MAP3K13: variants seen among roughly 807,000 people sequenced by gnomAD.
MAP3K13 encodes mitogen-activated protein kinase kinase kinase 13.
In MAP3K13, 52 loss-of-function variants were observed where a neutral mutation model predicts 104.0. The ratio of observed to expected loss-of-function variants is 0.50; its 90% confidence interval spans 0.40 to 0.63. The LOEUF (loss-of-function observed/expected upper bound fraction) is 0.63. Among genes scored for constraint, MAP3K13 ranks in the 20% least tolerant of loss-of-function variants. The pLI, the probability that MAP3K13 is intolerant of heterozygous loss-of-function variation, is 0.00. For synonymous variants in MAP3K13, 394 were observed against 442.2 expected (o/e 0.89, Z 1.37); for missense variants, 914 against 1,218.5 (o/e 0.75, Z 3.72).
Position 185,473,338 on chromosome 3 carries a change from C to T in MAP3K13, c.2007C>T (p.Asn669=), listed in dbSNP as rs752561167. Residue 669 remains asparagine, a synonymous_variant, in exon 11 of 14, where the codon AAC becomes AAT. Coordinates refer to ENST00000265026, the MANE Select transcript of MAP3K13 (RefSeq NM_004721.5). The surrounding 1 kb of genome is among the most constrained non-coding windows in gnomAD (Gnocchi z 4.9). ...AGGACATAGCAACCTGCGCCAACAA[C>T]CTGAGGTATTTCGGCCCAGCAGCAG... is the stretch of plus-strand genomic sequence containing the variant. ...HGQDIATCAN[N]LRYFGPAAAL... is the part of the protein sequence containing the mutation. 3 of 1,614,240 alleles carry T rather than the reference C, an allele frequency of 1.9e-6. No homozygotes were observed. Among genetic ancestry groups the T allele is most frequent in the Admixed American group, 1.7e-5 (1 of 60,032 alleles).
intron 2 of MAP3K13, among the ~76,000 whole-genome samples, chr3:185,433,854 CT>C (rs1342671628): frequency 1.3e-5 from 2 of 152,020 alleles, no homozygotes; most frequent in Non-Finnish European, 2.9e-5. Context: ...TGTTTATCAT[CT>C]TATAAAAATA....
rs144267453 is a variant in MAP3K13 at position 185,288,134 on chromosome 3, T to C, written c.-86+2491T>C. 3.5e-3 allele frequency among the ~76,000 whole-genome samples: 530 copies of C among 152,250 alleles called. 3 individuals are homozygous for C. The highest frequency in any genetic ancestry group is 0.012 in the African/African-American group (485 of 41,558). The stretch of plus-strand genomic sequence containing the variant: ...GAAATCAGTGAGTGGGATGCCTAGA[T>C]TAAGACTCCTTATTCTTGCTAAGTG... On this transcript the variant is annotated intron_variant, in intron 2 of 14. Transcript: ENST00000424227.
rs949242570 is a variant in MAP3K13 at position 185,449,833 on chromosome 3, T to C, written c.1011-67T>C. Reference sequence around the variant, plus strand: ...TATGTACTAATTTGATTTCAATTAATAGAGAACTAAAATACAAATCAGTCT... The same window carrying C: ...TATGTACTAATTTGATTTCAATTAACAGAGAACTAAAATACAAATCAGTCT... On this transcript the variant is annotated intron_variant, in intron 5 of 13. Coordinates refer to ENST00000265026, the MANE Select transcript of MAP3K13 (RefSeq NM_004721.5). 1.0e-5 allele frequency: 14 copies of C among 1,393,144 alleles called. No homozygotes were observed. In the Admixed American group the frequency reaches 2.0e-4, roughly 20 times the overall value. The allele number at this position is 1,393,144 out of a possible 1,614,324, so 86.3% of individuals were successfully genotyped here. A position where few individuals can be genotyped will look rare whatever the true frequency, so the allele number is the denominator to read the frequency against.
At chr3:185,358,195 A>G (rs1269627668), upstream of MAP3K13, among the ~76,000 whole-genome samples, 3 of 152,216 alleles carry the variant, frequency 2.0e-5, no homozygotes, top group Admixed American at 6.5e-5. Flanking sequence ...ATTTTAAAGC[A>G]TATGAATTTT....
chr3:185,461,114 G>C (rs1186638708), intron 7 of MAP3K13, among the ~76,000 whole-genome samples: 5 of 152,194 alleles, frequency 3.3e-5, no homozygotes, highest in Admixed American at 2.6e-4. Context: ...ATGATTGAGA[G>C]AATAGCATTA....
At chr3:185,468,025 C>G (rs1203806860) in intron 10 of MAP3K13, among the ~76,000 whole-genome samples, 1 of 152,036 alleles carries the variant, frequency 6.6e-6, no homozygotes, top group East Asian at 1.9e-4. Context: ...AACCAAATCT[C>G]ATGAAAACTC....
chr3:185,359,926 C>T (rs1217823129), upstream of MAP3K13, among the ~76,000 whole-genome samples: 1 of 150,730 alleles, frequency 6.6e-6, no homozygotes, highest in African/African-American at 2.4e-5. Flanking sequence ...TTTTTAAAAA[C>T]ACATTTTTTT....
chr3:185,298,576 A>C (rs938020400), intron 2 of MAP3K13, among the ~76,000 whole-genome samples: 1 of 152,214 alleles, frequency 6.6e-6, no homozygotes, highest in African/African-American at 2.4e-5. Flanking sequence ...ATTTGATGGA[A>C]CTTTATGTTC....
intron 2 of MAP3K13, among the ~76,000 whole-genome samples, chr3:185,298,891 CA>C (rs1400857744): frequency 1.3e-5 from 2 of 152,150 alleles, no homozygotes; most frequent in Non-Finnish European, 2.9e-5. Context: ...TTTTGTAAGC[CA>C]AAAGGGTTCT....
At chr3:185,428,253 T>C (rs1714541705) in intron 1 of MAP3K13, among the ~76,000 whole-genome samples, 1 of 152,182 alleles carries the variant, frequency 6.6e-6, no homozygotes, top group Non-Finnish European at 1.5e-5. Flanking sequence ...AATAAATTTC[T>C]AAGTTAATGT....
intron 7 of MAP3K13, among the ~76,000 whole-genome samples, chr3:185,460,112 A>G (rs894256707): frequency 1.3e-5 from 2 of 152,060 alleles, no homozygotes; most frequent in Admixed American, 6.6e-5. Context: ...CCGTTTATCT[A>G]TTAATTTGAC....
At chr3:185,398,934 C>G (rs1712592877) in intron 1 of MAP3K13, among the ~76,000 whole-genome samples, 7 of 152,156 alleles carry the variant, frequency 4.6e-5, no homozygotes, top group Admixed American at 4.6e-4. Flanking sequence ...TAAGAGGTAG[C>G]CAAGTGTCCT....
At position 185,315,039 on chromosome 3, in the gene MAP3K13, T is replaced by TC. The variant is rs913526917; in HGVS notation, c.-86+29397dup. Among the ~76,000 whole-genome samples the TC allele has an allele frequency of 6.6e-6, 1 of 151,964 alleles. No individual in the cohort carries two copies. Among genetic ancestry groups the TC allele is most frequent in the African/African-American group, 2.4e-5 (1 of 41,376 alleles). On this transcript the variant is annotated intron_variant, in intron 2 of 14. Transcript: ENST00000424227. The surrounding 1 kb of genome is among the most constrained non-coding windows in gnomAD (Gnocchi z 4.3). The stretch of plus-strand genomic sequence containing the variant: ...AGGCTGAGGCAGGCGCATCACGAAG[T>TC]CAGGAGTTTGAGACCAGCCTGACCA...
chr3:185,341,583 T>A (rs1471626862), intron 2 of MAP3K13, among the ~76,000 whole-genome samples: 1 of 152,214 alleles, frequency 6.6e-6, no homozygotes, highest in Non-Finnish European at 1.5e-5. Flanking sequence ...CCTGTGGTAG[T>A]GATTTTAAGG....
At chr3:185,289,032 A>G (rs1720638420) in intron 2 of MAP3K13, among the ~76,000 whole-genome samples, 1 of 152,166 alleles carries the variant, frequency 6.6e-6, no homozygotes, top group Admixed American at 6.5e-5. Context: ...TTGATCCTAT[A>G]AAAGGGTAAT....
At chr3:185,464,539 C>T (rs1283633127) in intron 8 of MAP3K13, among the ~76,000 whole-genome samples, 1 of 152,126 alleles carries the variant, frequency 6.6e-6, no homozygotes, top group Non-Finnish European at 1.5e-5. Flanking sequence ...CATCCTGCCG[C>T]CCTGTGAAGA....
chr3:185,309,200 C>T (rs1721409425), intron 2 of MAP3K13, among the ~76,000 whole-genome samples: 1 of 152,100 alleles, frequency 6.6e-6, no homozygotes, highest in Non-Finnish European at 1.5e-5. Context: ...CCTACAATAA[C>T]TTCCACCACT....
intron 2 of MAP3K13, among the ~76,000 whole-genome samples, chr3:185,349,051 A>T (rs1026736619): frequency 2.0e-5 from 3 of 152,126 alleles, no homozygotes; most frequent in Non-Finnish European, 4.4e-5. Flanking sequence ...GAGAAATCAG[A>T]TTGTTCTGAA....
At chr3:185,461,565 T>C (rs1275084857) in intron 7 of MAP3K13, among the ~76,000 whole-genome samples, 2 of 152,152 alleles carry the variant, frequency 1.3e-5, no homozygotes, top group Non-Finnish European at 1.5e-5. Context: ...ATTTTATTTT[T>C]TTAATTTTTT....
Sources: allele counts gnomAD v4.1 joint callset (sites outside exome capture counted in the v4.1 genomes callset), GRCh38; gene constraint gnomAD v4.1.1; non-coding constraint Gnocchi (gnomAD v3.1); transcripts MANE v1.5; gene names NCBI Gene and HGNC (gene_info 2026-07-23, HGNC 2026-07-21).